The following ANKS1B variants were observed in gnomAD, a reference collection of about 807,000 sequenced individuals.
ANKS1B encodes the protein ankyrin repeat and sterile alpha motif domain containing 1B, also known as ankyrin repeat and sterile alpha motif domain-containing protein 1B.
ANKS1B carries 36 observed loss-of-function variants against 148.3 expected under a neutral mutation model. The observed-to-expected ratio is 0.24, with a 90% CI of 0.19 to 0.32. The LOEUF (loss-of-function observed/expected upper bound fraction) is 0.32. ANKS1B is among the 10% of genes least tolerant of loss of function. ANKS1B has a pLI of 1.00. For synonymous variants in ANKS1B, 542 were observed against 560.8 expected (o/e 0.97, Z 0.47); for missense variants, 1,157 against 1,542.6 (o/e 0.75, Z 4.19).
intron 8 of ANKS1B, among the ~76,000 whole-genome samples, chr12:99,705,124 A>C (rs1341689048): frequency 6.6e-6 from 1 of 152,112 alleles, no homozygotes; most frequent in Non-Finnish European, 1.5e-5. Context: ...TAAAAAGGCA[A>C]AAATAGCAAC....
chr12:99,161,239 G>A (rs1426638598), intron 14 of ANKS1B, among the ~76,000 whole-genome samples: 1 of 152,144 alleles, frequency 6.6e-6, no homozygotes, highest in African/African-American at 2.4e-5. Flanking sequence ...GCCTAAACGT[G>A]TTATCAAAAT....
intron 17 of ANKS1B, among the ~76,000 whole-genome samples, chr12:98,850,459 ATTTTTTTTTTTT>A (rs59294440): frequency 1.4e-5 from 1 of 70,486 alleles, no homozygotes; most frequent in Non-Finnish European, 2.5e-5. Flanking sequence ...GAAGCATTGC[ATTTTTTTTTTTT>A]TTTTTTTTTT....
intron 15 of ANKS1B, among the ~76,000 whole-genome samples, chr12:99,142,302 T>C (rs951056868): frequency 1.3e-5 from 2 of 152,062 alleles, no homozygotes; most frequent in East Asian, 1.9e-4. Context: ...TCTTTGGCAA[T>C]TGAGAGTTTA....
chr12:99,193,506 A>G, intron 14 of ANKS1B, among the ~76,000 whole-genome samples: 1 of 152,190 alleles, frequency 6.6e-6, no homozygotes, highest in East Asian at 1.9e-4. Context: ...TAAAAATACA[A>G]TTTTTTCTGG....
intron 8 of ANKS1B, among the ~76,000 whole-genome samples, chr12:99,752,024 T>C (rs1196490121): frequency 6.6e-6 from 1 of 151,980 alleles, no homozygotes; most frequent in East Asian, 1.9e-4. Context: ...TTATAAATAA[T>C]GGGGAAAATG....
At chr12:99,399,498 C>T (rs2094345540) in intron 12 of ANKS1B, 133 bp downstream of exon 12, 2 of 853,242 alleles carry the variant, frequency 2.3e-6, no homozygotes, top group South Asian at 1.9e-5. Context: ...AATCTTAAAG[C>T]CCTACATTGC....
intron 8 of ANKS1B, among the ~76,000 whole-genome samples, chr12:99,751,432 C>T (rs542808023): frequency 2.3e-4 from 35 of 151,990 alleles, no homozygotes; most frequent in Non-Finnish European, 4.0e-4. Context: ...AGAATGGTCC[C>T]GCCAGCATAG....
At chr12:99,197,811 A>G (rs1052051918) in intron 14 of ANKS1B, among the ~76,000 whole-genome samples, 6 of 152,300 alleles carry the variant, frequency 3.9e-5, no homozygotes, top group East Asian at 1.9e-4. Context: ...TTTTAGCTCA[A>G]TCAGACTTTT....
chr12:98,865,167 T>A (rs960070909), intron 17 of ANKS1B, among the ~76,000 whole-genome samples: 5 of 152,154 alleles, frequency 3.3e-5, no homozygotes, highest in Non-Finnish European at 7.3e-5. Context: ...GCCCCTACTC[T>A]CTACCACCCC....
chr12:99,665,344 T>C (rs965217002), intron 8 of ANKS1B, among the ~76,000 whole-genome samples: 1 of 152,222 alleles, frequency 6.6e-6, no homozygotes, highest in South Asian at 2.1e-4. Flanking sequence ...AAATGGTATG[T>C]AGAATTATCA....
intron 14 of ANKS1B, among the ~76,000 whole-genome samples, chr12:99,216,985 T>A (rs1031653083): frequency 1.3e-5 from 2 of 152,172 alleles, no homozygotes; most frequent in African/African-American, 4.8e-5. Flanking sequence ...TGGACATAGC[T>A]GAAGACATTT....
At position 99,543,830 on chromosome 12, in the gene ANKS1B, A is replaced by G. The variant is rs561365278; in HGVS notation, c.1273-39189T>C. ...AATTGATAAAGGTGTATGCCAACTT[A>G]GTGGTAGAAAAAAGGAAGGCCAATA... On this transcript the variant is annotated intron_variant, in intron 9 of 26. Coordinates refer to ENST00000683438, the MANE Select transcript of ANKS1B (RefSeq NM_001352186.2). Among the ~76,000 whole-genome samples the G allele has an allele frequency of 3.3e-4, 51 of 152,304 alleles. No individual in the cohort carries two copies. The East Asian group carries it at 6.7e-3, about 20-fold the overall frequency.
intron 9 of ANKS1B, among the ~76,000 whole-genome samples, chr12:99,564,619 A>C (rs984913156): frequency 2.0e-5 from 3 of 152,118 alleles, no homozygotes; most frequent in Admixed American, 6.6e-5. Flanking sequence ...GAATGAATAC[A>C]TAATTTCTTC....
At chr12:98,916,119 CTG>C (rs1176832731) in intron 17 of ANKS1B, among the ~76,000 whole-genome samples, 4 of 152,198 alleles carry the variant, frequency 2.6e-5, no homozygotes, top group African/African-American at 9.7e-5. Context: ...GAGGAAAACC[CTG>C]TGTTTGACTC....
intron 1 of ANKS1B, among the ~76,000 whole-genome samples, chr12:99,916,708 C>T (rs1418251195): frequency 6.6e-6 from 1 of 152,010 alleles, no homozygotes; most frequent in Non-Finnish European, 1.5e-5. Context: ...CCTCAGAATG[C>T]TTCCTGCAAA....
At position 99,469,453 on chromosome 12, in the gene ANKS1B, TA is replaced by T. The variant is rs200648364; in HGVS notation, c.1439-25645del. Among the ~76,000 whole-genome samples, 8 of 151,254 alleles carry T rather than the reference TA, an allele frequency of 5.3e-5. 1 individual carries two copies. In the East Asian group the frequency reaches 5.8e-4, roughly 11 times the overall value. ...CTTAAAGTATAATAATAATAAAATT[TA>T]AAAAAAAATTCAAATGTTTCCTCTT... On this transcript the variant is annotated intron_variant, in intron 10 of 26. Transcript: ENST00000683438.
At chr12:99,616,422 G>A (rs2097961266) in intron 9 of ANKS1B, among the ~76,000 whole-genome samples, 1 of 151,960 alleles carries the variant, frequency 6.6e-6, no homozygotes, top group Non-Finnish European at 1.5e-5. Context: ...AAAACAGCAG[G>A]GTACTCGTAC....
intron 25 of ANKS1B, among the ~76,000 whole-genome samples, chr12:98,760,151 T>C (rs905982639): frequency 2.0e-5 from 3 of 152,266 alleles, no homozygotes; most frequent in African/African-American, 7.2e-5. Flanking sequence ...TTTCTATTTT[T>C]GTATTTTGGA....
intron 10 of ANKS1B, among the ~76,000 whole-genome samples, chr12:99,471,508 A>G (rs957253210): frequency 6.6e-6 from 1 of 152,046 alleles, no homozygotes; most frequent in Non-Finnish European, 1.5e-5. Context: ...CTTATGCTCA[A>G]CATCTATTTC....
Sources: allele counts gnomAD v4.1 joint callset (sites outside exome capture counted in the v4.1 genomes callset), GRCh38; gene constraint gnomAD v4.1.1; transcripts MANE v1.5; gene names NCBI Gene and HGNC (gene_info 2026-07-23, HGNC 2026-07-21).